TRPC7: variants seen among roughly 807,000 people sequenced by gnomAD.
TRPC7 encodes short transient receptor potential channel 7.
In TRPC7, 42 loss-of-function variants were observed where a neutral mutation model predicts 90.1. That is an observed-to-expected ratio of 0.47 (90% CI 0.36 to 0.60). The LOEUF is 0.60. Ranked by LOEUF, TRPC7 falls within the 20% of genes least tolerant of loss-of-function variation. The pLI is 0.00. For missense variants in TRPC7, 955 were observed against 1,112.3 expected (o/e 0.86, Z 2.01); for synonymous variants, 451 against 436.3 (o/e 1.03, Z -0.42).
chr5:136,292,770 G>A (rs577967477), intron 3 of TRPC7, among the ~76,000 whole-genome samples: 11 of 152,300 alleles, frequency 7.2e-5, no homozygotes, highest in African/African-American at 2.6e-4. Context: ...TAGAAAAAGA[G>A]GGAATCTTCC....
At chr5:136,304,821 AAAC>A (rs1758549371) in intron 3 of TRPC7, among the ~76,000 whole-genome samples, 1 of 152,152 alleles carries the variant, frequency 6.6e-6, no homozygotes. Context: ...ATCCCTTACA[AAAC>A]AACAACTCCT....
Position 136,266,300 on chromosome 5 carries a change from G to C in TRPC7, c.1265C>G (p.Thr422Arg). ...GVKTLPNETF[T>R]DYPKQIFRVK... ...TCTGAAGATTTGTTTTGGGTAGTCTGTGAAGGTTTCGTTTGGCAGGGTTTT... is the reference window on the plus strand; with the variant it reads ...TCTGAAGATTTGTTTTGGGTAGTCTCTGAAGGTTTCGTTTGGCAGGGTTTT... The change falls in exon 5 of 12, where the codon ACA becomes AGA. Residue 422 changes from threonine (T) to arginine (R), a missense_variant. By Grantham distance (71) the Thr-to-Arg change is moderately conservative (BLOSUM62 -1). Transcript: ENST00000513104. 1 of 1,613,942 alleles carries C rather than the reference G, an allele frequency of 6.2e-7. No homozygotes were observed. Among genetic ancestry groups the C allele is most frequent in the Non-Finnish European group, 8.5e-7 (1 of 1,179,836 alleles).
intron 7 of TRPC7, among the ~76,000 whole-genome samples, chr5:136,246,040 A>G (rs988741941): frequency 3.3e-5 from 5 of 151,826 alleles, no homozygotes; most frequent in African/African-American, 1.2e-4. Context: ...CCAGGGGAGG[A>G]GCTTTGGATC....
intron 5 of TRPC7, 118 bp from the exon 6 acceptor site, chr5:136,252,000 C>T: frequency 1.3e-6 from 1 of 770,700 alleles, no homozygotes; most frequent in Non-Finnish European, 2.1e-6. Context: ...GAGCTGGGAC[C>T]GTCGATAGCC....
At chr5:136,289,533 G>A (rs530208768) in intron 3 of TRPC7, among the ~76,000 whole-genome samples, 78 of 152,366 alleles carry the variant, frequency 5.1e-4, no homozygotes, top group Non-Finnish European at 7.9e-4. Flanking sequence ...TGCCCACGGA[G>A]CCTTGCTCAT....
At chr5:136,261,314 C>G (rs1042254844) in intron 5 of TRPC7, among the ~76,000 whole-genome samples, 2 of 152,136 alleles carry the variant, frequency 1.3e-5, no homozygotes, top group African/African-American at 4.8e-5. Context: ...TGCCTAATAA[C>G]TAGAAAATAT....
chr5:136,231,635 C>CAAG, intron 7 of TRPC7, 86 bp from the exon 8 acceptor site: 4 of 1,297,748 alleles, frequency 3.1e-6, no homozygotes, highest in Non-Finnish European at 4.2e-6. Context: ...GACAGGGTCT[C>CAAG]ACTCTGTTGC....
chr5:136,213,751 T>C, intron 11 of TRPC7, 147 bp from the exon 12 acceptor site: 2 of 775,040 alleles, frequency 2.6e-6, no homozygotes, highest in Non-Finnish European at 2.1e-6. Context: ...AGGGGGGCTC[T>C]ATTTGAACCC....
At chr5:136,340,676 T>C (rs987846781) in intron 2 of TRPC7, among the ~76,000 whole-genome samples, 2 of 152,018 alleles carry the variant, frequency 1.3e-5, no homozygotes, top group Admixed American at 6.5e-5. Context: ...AAAATTTGAA[T>C]AAATTTTCCG....
At position 136,244,410 on chromosome 5, in the gene TRPC7, AGAG is replaced by A. The variant is rs1182779775; in HGVS notation, c.1844+3058_1844+3060del. ...TGGGCTGGTGATACAGGCTCTCCGT[AGAG>A]GAGGGAAGAGAGGGATTGCAGAGAA... On this transcript the variant is annotated intron_variant, in intron 7 of 11. Coordinates refer to ENST00000513104, the MANE Select transcript of TRPC7 (RefSeq NM_020389.3). 1.1e-4 allele frequency among the ~76,000 whole-genome samples: 17 copies of A among 152,302 alleles called. No homozygotes were observed. The East Asian group carries it at 3.3e-3, about 29-fold the overall frequency.
chr5:136,341,825 A>G (rs899044060), intron 2 of TRPC7, among the ~76,000 whole-genome samples: 2 of 152,308 alleles, frequency 1.3e-5, no homozygotes, highest in Admixed American at 1.3e-4. Context: ...CAGCAGCAAC[A>G]TGGGATCTCA....
At chr5:136,364,165 C>T (rs2649693) in intron 1 of TRPC7, among the ~76,000 whole-genome samples, 33,695 of 152,116 alleles carry the variant, frequency 0.22, 4,491 homozygotes, top group African/African-American at 0.36. Flanking sequence ...TGGTAGCTCT[C>T]ATCCAAGATA....
At chr5:136,331,040 G>A (rs1426169744) in intron 2 of TRPC7, among the ~76,000 whole-genome samples, 3 of 152,136 alleles carry the variant, frequency 2.0e-5, no homozygotes, top group Non-Finnish European at 2.9e-5. Flanking sequence ...CATTCCTCAG[G>A]TATAGAGAGA....
intron 2 of TRPC7, among the ~76,000 whole-genome samples, chr5:136,338,335 A>G (rs1407754707): frequency 1.3e-5 from 2 of 152,160 alleles, no homozygotes; most frequent in African/African-American, 2.4e-5. Flanking sequence ...AAGGCATATA[A>G]TTTTATCTAT....
intron 2 of TRPC7, among the ~76,000 whole-genome samples, chr5:136,316,660 T>C (rs906870113): frequency 6.6e-6 from 1 of 152,236 alleles, no homozygotes; most frequent in African/African-American, 2.4e-5. Context: ...TCAACTTCTC[T>C]TTCCCCTAAA....
At chr5:136,337,468 C>A (rs1422404647) in intron 2 of TRPC7, among the ~76,000 whole-genome samples, 1 of 152,094 alleles carries the variant, frequency 6.6e-6, no homozygotes, top group African/African-American at 2.4e-5. Flanking sequence ...GAGATAGAGA[C>A]CATACTGGCT....
intron 2 of TRPC7, among the ~76,000 whole-genome samples, chr5:136,327,950 G>T (rs1759393194): frequency 6.6e-6 from 1 of 152,294 alleles, no homozygotes; most frequent in East Asian, 1.9e-4. Context: ...TAATAGATGT[G>T]AAATACTGGG....
intron 3 of TRPC7, among the ~76,000 whole-genome samples, chr5:136,313,377 G>GTCTGTCTA (rs1758902032): frequency 8.3e-6 from 1 of 120,574 alleles, no homozygotes; most frequent in Non-Finnish European, 1.7e-5. Flanking sequence ...GGAGATGTCT[G>GTCTGTCTA]TCTATCTATC....
chr5:136,220,948 C>T (rs926076098), intron 10 of TRPC7, among the ~76,000 whole-genome samples: 1 of 152,076 alleles, frequency 6.6e-6, no homozygotes, highest in African/African-American at 2.4e-5. Context: ...AAAGAACCTA[C>T]ATTGAAATAC....
Sources: gnomAD v4.1 joint callset for allele counts (sites outside exome capture counted in the v4.1 genomes callset) on GRCh38, gnomAD v4.1.1 for gene constraint, MANE v1.5 for transcripts, NCBI Gene and HGNC (gene_info 2026-07-23, HGNC 2026-07-21) for gene names.